The following ACACA variants were observed in gnomAD, a reference collection of about 807,000 sequenced individuals.
ACACA encodes the protein acetyl-CoA carboxylase 1.
In ACACA, 103 loss-of-function variants were observed where a neutral mutation model predicts 296.1. That is an observed-to-expected ratio of 0.35 (90% CI 0.30 to 0.41). ACACA has a LOEUF of 0.41. Ranked by LOEUF, ACACA falls within the 10% of genes least tolerant of loss-of-function variation. ACACA has a pLI of 1.00. For synonymous variants in ACACA, 953 were observed against 1,038.6 expected (o/e 0.92, Z 1.58); for missense variants, 1,554 against 2,989.7 (o/e 0.52, Z 11.20).
intron 1 of ACACA, among the ~76,000 whole-genome samples, chr17:37,374,169 G>T (rs2049908918): frequency 6.6e-6 from 1 of 152,002 alleles, no homozygotes; most frequent in Admixed American, 6.6e-5. Flanking sequence ...GACCAACCTG[G>T]GCAACACAGT....
rs8068303 is a variant in ACACA, at chr17:37,145,362, A to G, written c.5679+4502T>C. On this transcript the variant is annotated intron_variant, in intron 45 of 55. Transcript: ENST00000616317. ...TCAAGCAGGGTAATTTGCCACACAC[A>G]TCAGGTCTGCCACGCAGTGAGGCAT... 8.4e-3 allele frequency among the ~76,000 whole-genome samples: 1,279 copies of G among 152,298 alleles called. 13 individuals are homozygous for G. Among genetic ancestry groups the G allele is most frequent in the Non-Finnish European group, 0.013 (914 of 68,020 alleles).
At chr17:37,156,052 T>TG (rs2076231691) in intron 42 of ACACA, among the ~76,000 whole-genome samples, 4 of 144,968 alleles carry the variant, frequency 2.8e-5, no homozygotes, top group African/African-American at 1.0e-4. Context: ...TTTCTTTCTT[T>TG]CTTTTTTTTT....
At chr17:37,104,320 C>T (rs747917196) in intron 52 of ACACA, among the ~76,000 whole-genome samples, 5 of 152,086 alleles carry the variant, frequency 3.3e-5, no homozygotes, top group Admixed American at 6.5e-5. Context: ...TAAACAGAGA[C>T]GAAATATCAC....
At chr17:37,120,587 C>G (rs1384164926) in intron 50 of ACACA, among the ~76,000 whole-genome samples, 1 of 152,126 alleles carries the variant, frequency 6.6e-6, no homozygotes, top group Non-Finnish European at 1.5e-5. Flanking sequence ...TTTAGAACCC[C>G]AAATTCTCCC....
intron 45 of ACACA, among the ~76,000 whole-genome samples, chr17:37,137,163 G>T (rs1313556192): frequency 1.3e-5 from 2 of 151,980 alleles, no homozygotes; most frequent in Non-Finnish European, 2.9e-5. Context: ...AATTCTTTTG[G>T]ATACCAATCT....
intron 14 of ACACA, among the ~76,000 whole-genome samples, chr17:37,256,037 G>A (rs963005936): frequency 1.1e-4 from 17 of 152,220 alleles, no homozygotes; most frequent in African/African-American, 3.9e-4. Context: ...GTGAGCCACC[G>A]TGCCCAGGCA....
At chr17:37,160,297 A>G (rs1379606993) in intron 42 of ACACA, among the ~76,000 whole-genome samples, 1 of 152,240 alleles carries the variant, frequency 6.6e-6, no homozygotes, top group African/African-American at 2.4e-5. Flanking sequence ...GATCAAATGT[A>G]CAAGAGGAGG....
intron 1 of ACACA, among the ~76,000 whole-genome samples, chr17:37,357,258 C>T (rs539147365): frequency 6.6e-6 from 1 of 152,100 alleles, no homozygotes; most frequent in Non-Finnish European, 1.5e-5. Context: ...TTTGGGAGGC[C>T]GAGGAGGGTG....
intron 1 of ACACA, among the ~76,000 whole-genome samples, chr17:37,394,820 C>T (rs1229568230): frequency 6.6e-6 from 1 of 150,982 alleles, no homozygotes; most frequent in African/African-American, 2.4e-5. Context: ...ACCCGGGAGG[C>T]GGAGCTTGCA....
intron 24 of ACACA, among the ~76,000 whole-genome samples, chr17:37,238,510 A>G (rs1373660039): frequency 6.6e-6 from 1 of 152,118 alleles, no homozygotes; most frequent in African/African-American, 2.4e-5. Context: ...AAATCTTGAT[A>G]TCTGATTAGG....
chr17:37,126,497 T>C (rs1041485343), intron 47 of ACACA, among the ~76,000 whole-genome samples: 1 of 151,588 alleles, frequency 6.6e-6, no homozygotes, highest in Admixed American at 6.6e-5. Context: ...TTCAACATGT[T>C]AGTTTAAAAA....
chr17:37,130,288 G>C, intron 45 of ACACA, 70 bp from the exon 46 acceptor site: 1 of 1,575,842 alleles, frequency 6.3e-7, no homozygotes, highest in Non-Finnish European at 8.7e-7. Context: ...TTCACAAGTC[G>C]CACTAAAATG....
At chr17:37,268,872 T>C (rs2081938646) in intron 10 of ACACA, among the ~76,000 whole-genome samples, 1 of 150,480 alleles carries the variant, frequency 6.6e-6, no homozygotes, top group African/African-American at 2.4e-5. Flanking sequence ...CTTAGTGTTT[T>C]AAGACTTTTC....
chr17:37,151,522 A>C, intron 43 of ACACA, 101 bp from the exon 44 acceptor site: 1 of 1,423,200 alleles, frequency 7.0e-7, no homozygotes, highest in Non-Finnish European at 9.7e-7. Context: ...GTGTATTGAA[A>C]GCTTATATTT....
chr17:37,146,709 G>T (rs2075825766), intron 45 of ACACA, among the ~76,000 whole-genome samples: 1 of 149,010 alleles, frequency 6.7e-6, no homozygotes, highest in Non-Finnish European at 1.5e-5. Flanking sequence ...GAGAGAGAAA[G>T]GGAGAGAAGA....
At chr17:37,104,580 A>G (rs1478359096) in intron 52 of ACACA, among the ~76,000 whole-genome samples, 1 of 152,244 alleles carries the variant, frequency 6.6e-6, no homozygotes, top group Non-Finnish European at 1.5e-5. Context: ...TCCGCAGCAC[A>G]GTGGCCTATC....
At chr17:37,174,020 A>ATATATTTTTTTTTT (rs552735515) in intron 41 of ACACA, among the ~76,000 whole-genome samples, 9 of 16,796 alleles carry the variant, frequency 5.4e-4, no homozygotes, top group Non-Finnish European at 8.9e-4. Context: ...ATATATATAT[A>ATATATTTTTTTTTT]TTTTTTTTTT....
At chr17:37,284,350 G>A (rs2082676611) in intron 4 of ACACA, among the ~76,000 whole-genome samples, 1 of 152,092 alleles carries the variant, frequency 6.6e-6, no homozygotes, top group Admixed American at 6.6e-5. Flanking sequence ...CAGTGCTGTG[G>A]CATATTATCT....
chr17:37,119,899 T>C (rs561620112), intron 50 of ACACA, among the ~76,000 whole-genome samples: 6 of 149,626 alleles, frequency 4.0e-5, no homozygotes, highest in Admixed American at 4.0e-4. Context: ...TTCTTTCTTT[T>C]TTTTTTTTTT....
Sources: gnomAD v4.1 joint callset for allele counts (sites outside exome capture counted in the v4.1 genomes callset) on GRCh38, gnomAD v4.1.1 for gene constraint, MANE v1.5 for transcripts, NCBI Gene and HGNC (gene_info 2026-07-23, HGNC 2026-07-21) for gene names.